Variants in TNRC6B observed in about 807,000 individuals in gnomAD.
TNRC6B encodes the protein trinucleotide repeat-containing gene 6B protein.
A neutral mutation model predicts 203.6 loss-of-function variants in TNRC6B; 52 were observed. The observed-to-expected ratio is 0.26, with a 90% CI of 0.20 to 0.32. The LOEUF is 0.32. Ranked by LOEUF, TNRC6B falls within the 10% of genes least tolerant of loss-of-function variation. The pLI, the probability that TNRC6B is intolerant of heterozygous loss-of-function variation, is 1.00. For missense variants in TNRC6B, 1,923 were observed against 2,286.2 expected, an observed-to-expected ratio of 0.84 and a Z score of 3.24; for synonymous variants, 838 against 845.7, an observed-to-expected ratio of 0.99 and a Z score of 0.16.
At chr22:40,191,615 T>A (rs941592802) in intron 1 of TNRC6B, among the ~76,000 whole-genome samples, 1 of 152,226 alleles carries the variant, frequency 6.6e-6, no homozygotes, top group Non-Finnish European at 1.5e-5. Context: ...AGGTTCTCAC[T>A]CTGTCATCCA....
At chr22:40,060,688 A>C (rs2067842165) in intron 1 of TNRC6B, among the ~76,000 whole-genome samples, 1 of 152,204 alleles carries the variant, frequency 6.6e-6, no homozygotes, top group Non-Finnish European at 1.5e-5. Flanking sequence ...AAAAGGGAAA[A>C]GGTGCTGGTA....
intron 1 of TNRC6B, among the ~76,000 whole-genome samples, chr22:40,215,299 T>G (rs931078599): frequency 7.2e-5 from 11 of 152,234 alleles, no homozygotes; most frequent in Admixed American, 7.2e-4. Flanking sequence ...TCATGTGTGA[T>G]TTATCAGTTA....
intron 1 of TNRC6B, among the ~76,000 whole-genome samples, chr22:40,219,620 C>T (rs1396863652): frequency 6.6e-6 from 1 of 152,146 alleles, no homozygotes; most frequent in Non-Finnish European, 1.5e-5. Flanking sequence ...GCCACCCAGA[C>T]CTCCTTCCTG....
At chr22:40,077,405 T>C (rs951329485) in intron 1 of TNRC6B, among the ~76,000 whole-genome samples, 1 of 152,306 alleles carries the variant, frequency 6.6e-6, no homozygotes, top group Non-Finnish European at 1.5e-5. Flanking sequence ...TTGTTTATAA[T>C]GGGAGGGCAA....
intron 3 of TNRC6B, among the ~76,000 whole-genome samples, chr22:40,136,371 T>TTG (rs56246561): frequency 0.054 from 7,634 of 141,094 alleles, 316 homozygotes; most frequent in East Asian, 0.22. Flanking sequence ...TATGTTTATC[T>TTG]TGTGTGTGTG....
chr22:40,327,447 T>G lies in TNRC6B; in HGVS notation c.*4206T>G. 1 of 152,414 alleles carries G rather than the reference T, an allele frequency of 6.6e-6. No homozygotes were observed. The highest frequency in any genetic ancestry group is 1.5e-5 in the Non-Finnish European group (1 of 68,092). 9.4% of individuals were successfully genotyped at this position (152,414 alleles called of 1,614,324 possible). On this transcript the variant is annotated 3_prime_UTR_variant, in exon 23 of 23. Transcript: ENST00000454349. ...ATTACTGTGCATTGATTCCTCCAGG[T>G]GTGTAATTGTGACAACTGCAGTGAT...
At chr22:40,319,288 A>G (rs1006999152) in intron 21 of TNRC6B, among the ~76,000 whole-genome samples, 1 of 151,584 alleles carries the variant, frequency 6.6e-6, no homozygotes, top group South Asian at 2.1e-4. Flanking sequence ...AAAAAAGCAA[A>G]TCTTGATACA....
intron 1 of TNRC6B, among the ~76,000 whole-genome samples, chr22:40,226,241 C>T (rs2069783892): frequency 6.6e-6 from 1 of 152,172 alleles, no homozygotes; most frequent in Non-Finnish European, 1.5e-5. Context: ...GAAAATAGAG[C>T]ACAAATTAAG....
chr22:40,066,141 C>T (rs1453693795), intron 1 of TNRC6B, among the ~76,000 whole-genome samples: 1 of 152,090 alleles, frequency 6.6e-6, no homozygotes, highest in African/African-American at 2.4e-5. Context: ...CCCTGGGTTT[C>T]CCTCCCTGTT....
Position 40,203,711 on chromosome 22 carries a change from T to G in TNRC6B, c.5+25571T>G, listed in dbSNP as rs573763643. Among the ~76,000 whole-genome samples the G allele has an allele frequency of 1.9e-3, 284 of 150,788 alleles. 2 individuals are homozygous for G. The highest frequency in any genetic ancestry group is 2.8e-3 in the Non-Finnish European group (189 of 66,934). On this transcript the variant is annotated intron_variant, in intron 1 of 22. Coordinates refer to ENST00000454349, the MANE Select transcript of TNRC6B (RefSeq NM_001162501.2). ...ATCGTGTGGTGAGGCCTTCTGCTTC[T>G]GCCAATTTTGTTTTGTTTTGTTTTC... is the stretch of plus-strand genomic sequence containing the variant.
chr22:40,079,187 A>T (rs2068045408), intron 1 of TNRC6B, among the ~76,000 whole-genome samples: 2 of 152,138 alleles, frequency 1.3e-5, no homozygotes, highest in Non-Finnish European at 2.9e-5. Flanking sequence ...TGCTGGGATT[A>T]CAGGCATGAG....
intron 12 of TNRC6B, among the ~76,000 whole-genome samples, chr22:40,289,154 G>A (rs2070834076): frequency 6.6e-6 from 1 of 151,996 alleles, no homozygotes; most frequent in South Asian, 2.1e-4. Flanking sequence ...ATGGTGGTGT[G>A]TACCTTTAGT....
At chr22:40,121,197 G>A (rs981998310) in intron 2 of TNRC6B, among the ~76,000 whole-genome samples, 5 of 151,968 alleles carry the variant, frequency 3.3e-5, no homozygotes, top group African/African-American at 4.8e-5. Flanking sequence ...CCAGGGTTAT[G>A]CCAGTCTTCC....
chr22:40,171,029 C>A (rs1486969099), intron 4 of TNRC6B, among the ~76,000 whole-genome samples: 1 of 85,110 alleles, frequency 1.2e-5, no homozygotes, highest in Non-Finnish European at 2.1e-5. Context: ...GACATATACA[C>A]CTATATAGGT....
intron 2 of TNRC6B, among the ~76,000 whole-genome samples, chr22:40,122,455 G>A (rs2068454880): frequency 6.6e-6 from 1 of 152,130 alleles, no homozygotes; most frequent in Admixed American, 6.5e-5. Context: ...ACCTACTCAC[G>A]GGTAGTTGTG....
chr22:40,314,649 C>T, intron 19 of TNRC6B, among the ~76,000 whole-genome samples: 1 of 152,212 alleles, frequency 6.6e-6, no homozygotes, highest in Non-Finnish European at 1.5e-5. Context: ...GCATATTGAG[C>T]TTACGTGATG....
rs2071450870 is a variant in TNRC6B, at chr22:40,330,265, A to G, written c.*7024A>G. ...CAAAAGAAAGTTGTCAAGGTGGCTT[A>G]TGATGCTGTTGTAGCAGAGCTGTGA... On this transcript the variant is annotated 3_prime_UTR_variant, in exon 23 of 23. Coordinates refer to ENST00000454349, the MANE Select transcript of TNRC6B (RefSeq NM_001162501.2). 6.6e-6 allele frequency: 1 copy of G among 152,166 alleles called. No homozygotes were observed. The highest frequency in any genetic ancestry group is 2.1e-4 in the South Asian group (1 of 4,824). 9.4% of individuals were successfully genotyped at this position (152,166 alleles called of 1,614,324 possible). A position where few individuals can be genotyped will look rare whatever the true frequency, so the allele number is the denominator to read the frequency against.
intron 1 of TNRC6B, among the ~76,000 whole-genome samples, chr22:40,182,543 C>G (rs945578870): frequency 6.6e-6 from 1 of 152,192 alleles, no homozygotes; most frequent in Admixed American, 6.5e-5. Flanking sequence ...ACATTGTTTT[C>G]TTCTTTCCGT....
chr22:40,130,328 A>T (rs1219716221), intron 3 of TNRC6B, among the ~76,000 whole-genome samples: 1 of 152,158 alleles, frequency 6.6e-6, no homozygotes, highest in African/African-American at 2.4e-5. Flanking sequence ...GAAAGAAAGG[A>T]AGTGGGTTCA....
Sources: gnomAD v4.1 joint callset for allele counts (sites outside exome capture counted in the v4.1 genomes callset) on GRCh38, gnomAD v4.1.1 for gene constraint, MANE v1.5 for transcripts, NCBI Gene and HGNC (gene_info 2026-07-23, HGNC 2026-07-21) for gene names.